Variants in FAM76B observed in about 807,000 individuals in gnomAD.
The protein encoded by FAM76B is family with sequence similarity 76 member B.
In FAM76B, 16 loss-of-function variants were observed where a neutral mutation model predicts 51.8. The ratio of observed to expected loss-of-function variants is 0.31; its 90% CI spans 0.21 to 0.47. FAM76B has a LOEUF of 0.47. Among genes scored for constraint, FAM76B ranks in the 20% least tolerant of loss-of-function variants. FAM76B has a pLI of 1.00. For missense variants in FAM76B, 342 were observed against 392.6 expected (o/e 0.87, Z 1.09); for synonymous variants, 166 against 129.5 (o/e 1.28, Z -1.91).
intron 8 of FAM76B, among the ~76,000 whole-genome samples, chr11:95,776,746 A>G (rs1223122512): frequency 6.6e-6 from 1 of 151,358 alleles, no homozygotes; most frequent in African/African-American, 2.4e-5. Context: ...TTCAAACTAA[A>G]TAAGTTATTA....
chr11:95,782,592 A>C (rs1020626448), intron 5 of FAM76B, among the ~76,000 whole-genome samples: 2 of 152,084 alleles, frequency 1.3e-5, no homozygotes, highest in African/African-American at 4.8e-5. Flanking sequence ...TATTTTGGGG[A>C]CCACAAAGAT....
chr11:95,786,709 C>CAT (rs1278841601), intron 3 of FAM76B: 2 of 154,382 alleles, frequency 1.3e-5, no homozygotes, highest in African/African-American at 4.8e-5. Flanking sequence ...AGGTACAAAT[C>CAT]ATATAAGGAA....
intron 9 of FAM76B, among the ~76,000 whole-genome samples, chr11:95,772,646 G>A (rs758531287): frequency 6.6e-6 from 1 of 151,042 alleles, no homozygotes; most frequent in African/African-American, 2.4e-5. Flanking sequence ...TCCTTCACAG[G>A]TTCCAGGAAT....
At chr11:95,776,913 G>A (rs186726351) in intron 8 of FAM76B, among the ~76,000 whole-genome samples, 1 of 150,742 alleles carries the variant, frequency 6.6e-6, no homozygotes, top group East Asian at 1.9e-4. Context: ...GAAAATCATG[G>A]AGTCTTATAG....
At chr11:95,775,317 G>T (rs530153605) in intron 9 of FAM76B, among the ~76,000 whole-genome samples, 1 of 151,474 alleles carries the variant, frequency 6.6e-6, no homozygotes, top group East Asian at 1.9e-4. Context: ...TTATTACTGT[G>T]GTGACTCTTG....
chr11:95,778,741 AG>A, intron 8 of FAM76B, 80 bp downstream of exon 8: 1 of 1,455,128 alleles, frequency 6.9e-7, no homozygotes, highest in Non-Finnish European at 9.1e-7. Context: ...AAATTATTAA[AG>A]GAAGTCTAAT....
At chr11:95,788,325 G>A (rs1478993043) in intron 2 of FAM76B, among the ~76,000 whole-genome samples, 174 bp downstream of exon 2, 1 of 151,892 alleles carries the variant, frequency 6.6e-6, no homozygotes, top group Non-Finnish European at 1.5e-5. Context: ...ACCACCACTG[G>A]TTTTTTTCGC....
intron 5 of FAM76B, among the ~76,000 whole-genome samples, chr11:95,781,864 G>A (rs1268667672): frequency 5.9e-5 from 9 of 151,996 alleles, no homozygotes; most frequent in East Asian, 1.9e-4. Flanking sequence ...TAACCTCAAC[G>A]TAACCTCATA....
intron 6 of FAM76B, 77 bp from the exon 7 acceptor site, chr11:95,779,764 T>C: frequency 6.4e-7 from 1 of 1,565,654 alleles, no homozygotes; most frequent in Non-Finnish European, 8.7e-7. Flanking sequence ...CATCTTCCCC[T>C]AAAATATTAC....
intron 5 of FAM76B, 110 bp from the exon 6 acceptor site, chr11:95,780,036 A>G (rs2120235428): frequency 2.0e-6 from 2 of 1,006,736 alleles, no homozygotes; most frequent in East Asian, 2.7e-5. Context: ...TATTTTCTTC[A>G]GAGAAAGGTA....
intron 8 of FAM76B, among the ~76,000 whole-genome samples, chr11:95,777,337 G>C (rs1860055989): frequency 6.6e-6 from 1 of 150,988 alleles, no homozygotes; most frequent in Non-Finnish European, 1.5e-5. Flanking sequence ...TTTTAAAGAG[G>C]AACACTAACA....
rs1358232538 is a variant in FAM76B at position 95,769,588 on chromosome 11, GT to G, written c.*1972del. The G allele has an allele frequency of 6.6e-6, 1 of 151,866 alleles. No homozygotes were observed. The highest frequency in any genetic ancestry group is 1.5e-5 in the Non-Finnish European group (1 of 67,732). 9.4% of individuals were successfully genotyped at this position (151,866 alleles called of 1,614,324 possible). On this transcript the variant is annotated 3_prime_UTR_variant, in exon 10 of 10. Coordinates refer to ENST00000358780, the MANE Select transcript of FAM76B (RefSeq NM_144664.5). ...TCTTTTGTAGTTTCTCCAACAAGGTGTAAGAACTATCAAAAAGTAAAACCAT... is the reference window on the plus strand; with the variant it reads ...TCTTTTGTAGTTTCTCCAACAAGGTGAAGAACTATCAAAAAGTAAAACCAT...
At chr11:95,788,589 G>T in intron 1 of FAM76B, 26 bp from the exon 2 acceptor site, 1 of 1,590,724 alleles carries the variant, frequency 6.3e-7, no homozygotes, top group African/African-American at 1.3e-5. Context: ...ACATTAGTCA[G>T]TATCTTTCTG....
chr11:95,777,151 T>C (rs1268869576), intron 8 of FAM76B, among the ~76,000 whole-genome samples: 4 of 151,408 alleles, frequency 2.6e-5, no homozygotes. Flanking sequence ...CCTCATGATC[T>C]AGTTCAGTGT....
chr11:95,777,792 C>T (rs1342009263), intron 8 of FAM76B, among the ~76,000 whole-genome samples: 2 of 151,318 alleles, frequency 1.3e-5, no homozygotes, highest in African/African-American at 4.8e-5. Flanking sequence ...TCAGCACAGA[C>T]TTAGAGATGG....
chr11:95,779,794 A>G, intron 6 of FAM76B, 85 bp downstream of exon 6: 1 of 1,558,222 alleles, frequency 6.4e-7, no homozygotes. Context: ...TGATTTTGGT[A>G]AGACTTAAGT....
At chr11:95,789,131 C>G in intron 1 of FAM76B, 1 of 1,311,668 alleles carries the variant, frequency 7.6e-7, no homozygotes, top group Non-Finnish European at 1.0e-6. Context: ...AACCCCACTC[C>G]TGAGACCCCC....
chr11:95,772,569 T>C (rs530738600), intron 9 of FAM76B, among the ~76,000 whole-genome samples: 42 of 151,272 alleles, frequency 2.8e-4, no homozygotes, highest in Non-Finnish European at 5.2e-4. Flanking sequence ...GTGATGAAAA[T>C]AGAGCACTGC....
intron 1 of FAM76B, 87 bp downstream of exon 1, chr11:95,789,305 A>T (rs1860838674): frequency 1.4e-6 from 2 of 1,410,800 alleles, no homozygotes; most frequent in South Asian, 1.2e-5. Context: ...GGCGCCGGCG[A>T]AGAGGGGCTG....
Sources: allele counts gnomAD v4.1 joint callset (sites outside exome capture counted in the v4.1 genomes callset), GRCh38; gene constraint gnomAD v4.1.1; transcripts MANE v1.5; gene names NCBI Gene and HGNC (gene_info 2026-07-23, HGNC 2026-07-21).